PRKG1: variants seen among roughly 807,000 people sequenced by gnomAD.
PRKG1 encodes the protein protein kinase cGMP-dependent 1.
In PRKG1, 35 loss-of-function variants were observed where a neutral mutation model predicts 88.1. The observed-to-expected ratio is 0.40, with a 90% CI of 0.30 to 0.53. PRKG1 has a LOEUF of 0.53. Ranked by LOEUF, PRKG1 falls within the 20% of genes least tolerant of loss-of-function variation. The pLI is 0.59. For missense variants in PRKG1, 540 were observed against 839.8 expected, an observed-to-expected ratio of 0.64 and a Z score of 4.41; for synonymous variants, 303 against 292.5, an observed-to-expected ratio of 1.04 and a Z score of -0.37.
intron 1 of PRKG1, among the ~76,000 whole-genome samples, chr10:51,038,780 A>G (rs1843384237): frequency 6.6e-6 from 1 of 152,196 alleles, no homozygotes; most frequent in Admixed American, 6.5e-5. Context: ...TAGTGCAGCA[A>G]TAAACAGCAA....
intron 3 of PRKG1, among the ~76,000 whole-genome samples, chr10:51,481,928 T>C (rs897005679): frequency 6.6e-6 from 1 of 152,032 alleles, no homozygotes; most frequent in African/African-American, 2.4e-5. Flanking sequence ...TAAGAGGGGG[T>C]TATATATCAC....
intron 2 of PRKG1, among the ~76,000 whole-genome samples, chr10:51,338,028 A>C (rs928891509): frequency 6.6e-6 from 1 of 152,256 alleles, no homozygotes; most frequent in African/African-American, 2.4e-5. Context: ...GACTGGATAA[A>C]GAAAATGTGG....
chr10:51,795,797 A>G (rs547070689), intron 3 of PRKG1, among the ~76,000 whole-genome samples: 11 of 152,124 alleles, frequency 7.2e-5, no homozygotes, highest in South Asian at 6.2e-4. Flanking sequence ...AAAGCTAATC[A>G]TACTTTTCCA....
chr10:51,672,764 A>G (rs1840615456), intron 3 of PRKG1, among the ~76,000 whole-genome samples: 1 of 152,192 alleles, frequency 6.6e-6, no homozygotes, highest in Admixed American at 6.5e-5. Flanking sequence ...CACAGGTAGT[A>G]AAAATTAAAA....
At chr10:50,995,269 T>A (rs1842826670) in intron 1 of PRKG1, among the ~76,000 whole-genome samples, 1 of 152,214 alleles carries the variant, frequency 6.6e-6, no homozygotes, top group Non-Finnish European at 1.5e-5. Flanking sequence ...GATTTCTATG[T>A]GTCCACAGAG....
intron 4 of PRKG1, among the ~76,000 whole-genome samples, chr10:51,854,684 G>A (rs1027275678): frequency 3.3e-5 from 5 of 152,076 alleles, no homozygotes; most frequent in Admixed American, 1.3e-4. Context: ...AGTTTATATA[G>A]GCTTAGAGAA....
At chr10:51,460,430 A>G (rs1242696869) in intron 2 of PRKG1, among the ~76,000 whole-genome samples, 1 of 152,160 alleles carries the variant, frequency 6.6e-6, no homozygotes, top group African/African-American at 2.4e-5. Context: ...TGTATTATAC[A>G]TTGCTGGAAT....
intron 2 of PRKG1, among the ~76,000 whole-genome samples, chr10:51,288,213 A>G (rs528850670): frequency 3.8e-4 from 58 of 152,024 alleles, no homozygotes; most frequent in Non-Finnish European, 3.5e-4. Context: ...ACATATGTAT[A>G]CATGTGCCAT....
chr10:51,351,208 G>A (rs547305637), intron 2 of PRKG1, among the ~76,000 whole-genome samples: 15 of 152,226 alleles, frequency 9.9e-5, no homozygotes, highest in Admixed American at 2.0e-4. Flanking sequence ...GAACAGTGCC[G>A]CAATAAACAT....
At chr10:52,125,694 A>G (rs995810790) in intron 7 of PRKG1, 1 of 152,206 alleles carries the variant, frequency 6.6e-6, no homozygotes, top group Non-Finnish European at 1.5e-5. Context: ...CAACAGCAAA[A>G]CTAACACAAA....
chr10:52,064,286 C>T (rs1383449046), intron 7 of PRKG1, among the ~76,000 whole-genome samples: 3 of 152,232 alleles, frequency 2.0e-5, no homozygotes, highest in Non-Finnish European at 4.4e-5. Context: ...CAGCACTGCC[C>T]TGAGCATGTG....
chr10:52,090,311 G>A (rs1006097407), intron 7 of PRKG1, among the ~76,000 whole-genome samples: 1 of 151,870 alleles, frequency 6.6e-6, no homozygotes, highest in East Asian at 1.9e-4. Context: ...GCTCCCAATG[G>A]GCAAAGCTAA....
At chr10:51,141,600 T>A (rs1166044523) in intron 1 of PRKG1, among the ~76,000 whole-genome samples, 1 of 152,182 alleles carries the variant, frequency 6.6e-6, no homozygotes, top group Admixed American at 6.5e-5. Flanking sequence ...ATTAACTATT[T>A]ACTACTGAAA....
chr10:52,243,864 G>T (rs567941214), intron 9 of PRKG1, among the ~76,000 whole-genome samples: 1 of 151,936 alleles, frequency 6.6e-6, no homozygotes, highest in South Asian at 2.1e-4. Flanking sequence ...GTATATTCCC[G>T]TTGGCTATAG....
intron 2 of PRKG1, among the ~76,000 whole-genome samples, chr10:51,226,879 A>C (rs944114260): frequency 2.6e-5 from 4 of 152,100 alleles, no homozygotes; most frequent in Non-Finnish European, 5.9e-5. Context: ...GTAGTCTGAA[A>C]CTGAAATTGA....
intron 3 of PRKG1, among the ~76,000 whole-genome samples, chr10:51,768,028 TAA>T (rs71752377): frequency 0.1 from 15,662 of 151,084 alleles, 915 homozygotes; most frequent in African/African-American, 0.14. Flanking sequence ...AATAAATAAA[TAA>T]AAAAACGTTT....
intron 7 of PRKG1, among the ~76,000 whole-genome samples, chr10:52,085,120 T>C (rs1331492694): frequency 6.6e-6 from 1 of 152,100 alleles, no homozygotes; most frequent in African/African-American, 2.4e-5. Flanking sequence ...TTAATTTAGA[T>C]CTTTCAGCTA....
Position 52,288,923 on chromosome 10 carries a change from A to T in PRKG1, c.1833-8A>T. On this transcript the variant is annotated splice_region_variant and splice_polypyrimidine_tract_variant and intron_variant, in intron 15 of 17. Transcript: ENST00000373980. ...TTAGATTTAATAAAACCATTATTTT[A>T]TTTTTAGGGACAATCCATCAGAAAG... 1 of 1,600,664 alleles carries T rather than the reference A, an allele frequency of 6.2e-7. No homozygotes were observed. The highest frequency in any genetic ancestry group is 8.5e-7 in the Non-Finnish European group (1 of 1,172,940).
At chr10:51,339,548 A>G (rs1440102072) in intron 2 of PRKG1, among the ~76,000 whole-genome samples, 1 of 151,990 alleles carries the variant, frequency 6.6e-6, no homozygotes, top group Non-Finnish European at 1.5e-5. Flanking sequence ...AACAAAAAAG[A>G]AAGTAAATAA....
Sources: allele counts gnomAD v4.1 joint callset (sites outside exome capture counted in the v4.1 genomes callset), GRCh38; gene constraint gnomAD v4.1.1; transcripts MANE v1.5; gene names NCBI Gene and HGNC (gene_info 2026-07-23, HGNC 2026-07-21).